Variants in PPARGC1B observed in about 807,000 individuals in gnomAD.
The protein encoded by PPARGC1B is peroxisome proliferator-activated receptor gamma coactivator 1-beta.
PPARGC1B carries 34 observed loss-of-function variants against 101.6 expected under a neutral mutation model. The observed-to-expected ratio is 0.33, with a 90% confidence interval of 0.25 to 0.45. The LOEUF (loss-of-function observed/expected upper bound fraction) is 0.45, where lower values mean the gene tolerates loss of function less well. PPARGC1B is among the 20% of genes least tolerant of loss of function. PPARGC1B has a pLI of 1.00. For missense variants in PPARGC1B, 1,234 were observed against 1,317.6 expected (o/e 0.94, Z 0.98); for synonymous variants, 548 against 539.3 (o/e 1.02, Z -0.22).
chr5:149,828,404 T>TA (rs1283902364), intron 3 of PPARGC1B, among the ~76,000 whole-genome samples: 1 of 152,182 alleles, frequency 6.6e-6, no homozygotes, highest in Admixed American at 6.5e-5. Context: ...TTAATAATAG[T>TA]GCCTATGTCA....
intron 1 of PPARGC1B, among the ~76,000 whole-genome samples, chr5:149,796,314 G>A (rs1757214556): frequency 6.6e-6 from 1 of 152,180 alleles, no homozygotes; most frequent in South Asian, 2.1e-4. Flanking sequence ...CTGGGGCAGT[G>A]ACCAGCTATT....
chr5:149,836,878 A>G lies in PPARGC1B; in HGVS notation c.2423A>G (p.Glu808Gly). Residue 808 changes from glutamate (E) to glycine (G), a missense_variant, in exon 8 of 12, where the codon GAG (glutamate) becomes GGG (glycine). By Grantham distance (98) the Glu-to-Gly change is moderately conservative. Coordinates refer to ENST00000309241, the MANE Select transcript of PPARGC1B (RefSeq NM_133263.4). ...GGCGAGAGCAGCTTCCTCCCAGAGG[A>G]GGAAGAGGAAGAAGGGGAGGAGGAG... ...SSGESSFLPE[E>G]EEEEGEEEEE... The G allele has an allele frequency of 6.2e-7, 1 of 1,613,050 alleles. No homozygotes were observed. Among genetic ancestry groups the G allele is most frequent in the Non-Finnish European group, 8.5e-7 (1 of 1,179,976 alleles).
intron 1 of PPARGC1B, among the ~76,000 whole-genome samples, chr5:149,797,341 G>A (rs1173936889): frequency 6.6e-6 from 1 of 152,202 alleles, no homozygotes; most frequent in African/African-American, 2.4e-5. Context: ...CTGAAATTTA[G>A]CATTTCCTTT....
intron 1 of PPARGC1B, among the ~76,000 whole-genome samples, chr5:149,774,231 C>G (rs895882517): frequency 6.6e-6 from 1 of 152,148 alleles, no homozygotes; most frequent in Admixed American, 6.5e-5. Context: ...CCTGTTCCCC[C>G]CTAGTGAGGG....
intron 1 of PPARGC1B, among the ~76,000 whole-genome samples, chr5:149,814,905 C>G (rs1757995985): frequency 6.6e-6 from 1 of 152,212 alleles, no homozygotes; most frequent in South Asian, 2.1e-4. Flanking sequence ...GTTGAGGGGC[C>G]AGAGAGGCCC....
intron 1 of PPARGC1B, among the ~76,000 whole-genome samples, chr5:149,778,802 C>G (rs867890347): frequency 3.9e-5 from 6 of 152,108 alleles, no homozygotes; most frequent in Non-Finnish European, 8.8e-5. Flanking sequence ...CACTCATGGC[C>G]TCAGTTTCAT....
intron 5 of PPARGC1B, among the ~76,000 whole-genome samples, chr5:149,834,394 TC>T (rs1413953862): frequency 3.9e-5 from 6 of 152,120 alleles, no homozygotes; most frequent in African/African-American, 1.2e-4. Flanking sequence ...GGACTTAGAG[TC>T]AAGTTCTTCC....
chr5:149,822,868 A>G (rs1446796323), intron 2 of PPARGC1B, among the ~76,000 whole-genome samples: 2 of 151,368 alleles, frequency 1.3e-5, no homozygotes, highest in Admixed American at 1.3e-4. Flanking sequence ...TAGGAGCCAT[A>G]GGTTCTAGTC....
chr5:149,827,427 C>T (rs183203445), intron 3 of PPARGC1B, among the ~76,000 whole-genome samples: 66 of 152,320 alleles, frequency 4.3e-4, no homozygotes, highest in South Asian at 1.7e-3. Context: ...CACATGAGCA[C>T]GTAGAGCTCT....
intron 1 of PPARGC1B, among the ~76,000 whole-genome samples, chr5:149,751,709 G>GAA (rs571988950): frequency 9.3e-6 from 1 of 107,882 alleles, no homozygotes; most frequent in Non-Finnish European, 2.1e-5. Context: ...CTGTCCAAAA[G>GAA]AAAAAAAAAA....
At chr5:149,737,921 G>A (rs1444148799) in intron 1 of PPARGC1B, among the ~76,000 whole-genome samples, 1 of 152,214 alleles carries the variant, frequency 6.6e-6, no homozygotes, top group Non-Finnish European at 1.5e-5. Flanking sequence ...TTGAACTGGG[G>A]AGGTGAAGGT....
At chr5:149,784,959 CTCTT>C (rs1274326135) in intron 1 of PPARGC1B, among the ~76,000 whole-genome samples, 1 of 152,178 alleles carries the variant, frequency 6.6e-6, no homozygotes, top group Non-Finnish European at 1.5e-5. Flanking sequence ...GGTAGGGACT[CTCTT>C]TATCACTGCT....
At chr5:149,759,938 C>G (rs1755661699) in intron 1 of PPARGC1B, among the ~76,000 whole-genome samples, 1 of 152,212 alleles carries the variant, frequency 6.6e-6, no homozygotes, top group East Asian at 1.9e-4. Flanking sequence ...CTGCATCTTC[C>G]ATGTTAGACT....
intron 1 of PPARGC1B, among the ~76,000 whole-genome samples, chr5:149,752,834 C>T (rs1755367586): frequency 6.6e-6 from 1 of 152,036 alleles, no homozygotes; most frequent in Non-Finnish European, 1.5e-5. Context: ...ATCTTGATCA[C>T]TTGAAGTCAG....
chr5:149,791,274 A>T (rs1757007745), intron 1 of PPARGC1B, among the ~76,000 whole-genome samples: 2 of 149,042 alleles, frequency 1.3e-5, no homozygotes, highest in Admixed American at 1.3e-4. Flanking sequence ...CCTGGGTGAC[A>T]GAGAGAGACT....
intron 2 of PPARGC1B, among the ~76,000 whole-genome samples, chr5:149,823,236 G>A (rs966055168): frequency 2.3e-4 from 35 of 152,310 alleles, no homozygotes; most frequent in Admixed American, 2.2e-3. Context: ...TCCCATGTGA[G>A]GAATGAGGAA....
At chr5:149,795,861 C>T (rs1757195989) in intron 1 of PPARGC1B, among the ~76,000 whole-genome samples, 1 of 152,100 alleles carries the variant, frequency 6.6e-6, no homozygotes, top group East Asian at 1.9e-4. Flanking sequence ...TCAGACTTCC[C>T]TTAACCCAGC....
chr5:149,794,902 C>T (rs115801673), intron 1 of PPARGC1B, among the ~76,000 whole-genome samples: 3,117 of 152,318 alleles, frequency 0.02, 64 homozygotes, highest in African/African-American at 0.043. Flanking sequence ...GGTCTGCAGT[C>T]ATGGGGTGGG....
Position 149,837,012 on chromosome 5 carries a change from CGCTCAA to C in PPARGC1B, c.2562_2567del (p.Ser855_Ser856del). The C allele has an allele frequency of 6.2e-7, 1 of 1,613,924 alleles. No individual in the cohort carries two copies. ...CAACCGGCAGCTCTGTTCCCGCAGC[CGCTCAA>C]GCTCTGGCTCTTCACCCTGCCACTC... On this transcript the variant is annotated inframe_deletion, in exon 8 of 12. Coordinates refer to ENST00000309241, the MANE Select transcript of PPARGC1B (RefSeq NM_133263.4). The surrounding 1 kb of genome is among the most constrained non-coding windows in gnomAD (Gnocchi z 4.2).
Sources: allele counts gnomAD v4.1 joint callset (sites outside exome capture counted in the v4.1 genomes callset), GRCh38; gene constraint gnomAD v4.1.1; non-coding constraint Gnocchi (gnomAD v3.1); transcripts MANE v1.5; gene names NCBI Gene and HGNC (gene_info 2026-07-23, HGNC 2026-07-21).